Variants in MELK observed in about 807,000 individuals in gnomAD.
The protein encoded by MELK is maternal embryonic leucine zipper kinase.
MELK carries 81 observed loss-of-function variants against 85.0 expected under a neutral mutation model. That is an observed-to-expected ratio of 0.95 (90% CI 0.80 to 1.15). The LOEUF (loss-of-function observed/expected upper bound fraction) is 1.15. Ranked by LOEUF, MELK falls within the 50% of genes most tolerant of loss-of-function variation. The pLI, the probability that MELK is intolerant of heterozygous loss-of-function variation, is 0.00. For synonymous variants in MELK, 252 were observed against 265.0 expected (o/e 0.95, Z 0.48); for missense variants, 754 against 777.5 (o/e 0.97, Z 0.36).
chr9:36,635,297 A>G (rs1368661239), intron 10 of MELK, among the ~76,000 whole-genome samples: 2 of 150,880 alleles, frequency 1.3e-5, no homozygotes, highest in East Asian at 3.9e-4. Flanking sequence ...GAATCTCGCT[A>G]TTATCGCCCA....
At chr9:36,607,969 A>G (rs1424198964) in intron 8 of MELK, among the ~76,000 whole-genome samples, 1 of 152,154 alleles carries the variant, frequency 6.6e-6, no homozygotes, top group African/African-American at 2.4e-5. Context: ...GTAATACAGT[A>G]AGATATTTTG....
At chr9:36,636,829 T>TTTC (rs1296296702) in intron 10 of MELK, among the ~76,000 whole-genome samples, 40 of 139,522 alleles carry the variant, frequency 2.9e-4, no homozygotes, top group East Asian at 8.2e-4. Flanking sequence ...TCTGTCTTTC[T>TTTC]TGTCTTTCTT....
chr9:36,625,114 A>C (rs1251156429), intron 8 of MELK, among the ~76,000 whole-genome samples: 1 of 152,196 alleles, frequency 6.6e-6, no homozygotes, highest in Non-Finnish European at 1.5e-5. Context: ...AGTAAGCAGC[A>C]AACGGCTTTG....
At chr9:36,668,755 C>T (rs935918916) in intron 14 of MELK, among the ~76,000 whole-genome samples, 8 of 152,062 alleles carry the variant, frequency 5.3e-5, no homozygotes, top group African/African-American at 1.4e-4. Flanking sequence ...CCTCATGATC[C>T]GCCCTCCTCG....
intron 13 of MELK, among the ~76,000 whole-genome samples, chr9:36,664,731 C>T (rs553818052): frequency 4.1e-4 from 62 of 152,266 alleles, no homozygotes; most frequent in Non-Finnish European, 7.5e-4. Context: ...TTGGTTCTAA[C>T]TCACCACCTT....
intron 5 of MELK, among the ~76,000 whole-genome samples, chr9:36,596,400 C>T (rs898092196): frequency 4.6e-5 from 7 of 151,556 alleles, no homozygotes; most frequent in Admixed American, 4.0e-4. Context: ...GGACTACAGG[C>T]GCCTGCCACC....
At chr9:36,672,330 T>TA (rs1223545881) in intron 16 of MELK, among the ~76,000 whole-genome samples, 43 of 152,256 alleles carry the variant, frequency 2.8e-4, no homozygotes, top group Non-Finnish European at 2.9e-5. Flanking sequence ...CACTGAGATT[T>TA]AAAAAAACCA....
At chr9:36,636,122 GT>G (rs1308950338) in intron 10 of MELK, among the ~76,000 whole-genome samples, 3 of 152,012 alleles carry the variant, frequency 2.0e-5, no homozygotes, top group Non-Finnish European at 4.4e-5. Flanking sequence ...TGGCCACTTG[GT>G]AAAAATGTGG....
intron 12 of MELK, among the ~76,000 whole-genome samples, chr9:36,656,557 C>T (rs1157791295): frequency 2.6e-5 from 4 of 152,116 alleles, no homozygotes; most frequent in Admixed American, 2.0e-4. Flanking sequence ...ATAAAGACAA[C>T]GTTGGACTGC....
In MELK at chr9:36,674,906, C is replaced by A; in HGVS notation, c.1747C>A (p.Pro583Thr). 1 of 1,596,444 alleles carries A rather than the reference C, an allele frequency of 6.3e-7. No homozygotes were observed. Among genetic ancestry groups the A allele is most frequent in the Non-Finnish European group, 8.6e-7 (1 of 1,164,128 alleles). ...GTTGAATGAAATAATGTCTATTCTT[C>A]CAAAGAAGCATGTTGACTTTGTACA... ...QLLNEIMSIL[P>T]KKHVDFVQKG... The change falls in exon 17 of 18, where the codon CCA becomes ACA. Residue 583 changes from proline (P) to threonine (T), a missense_variant. Coordinates refer to ENST00000298048, the MANE Select transcript of MELK (RefSeq NM_014791.4).
chr9:36,616,594 T>C (rs1433881516), intron 8 of MELK, among the ~76,000 whole-genome samples: 4 of 151,980 alleles, frequency 2.6e-5, no homozygotes, highest in Admixed American at 2.6e-4. Flanking sequence ...TTCACCATGT[T>C]GGACAGGCTT....
chr9:36,655,712 G>A (rs146205502), intron 12 of MELK, among the ~76,000 whole-genome samples: 25 of 152,230 alleles, frequency 1.6e-4, no homozygotes, highest in Non-Finnish European at 3.1e-4. Context: ...GCCGTCATTC[G>A]TACAGCACTG....
intron 7 of MELK, among the ~76,000 whole-genome samples, chr9:36,607,105 A>G (rs964409045): frequency 2.6e-5 from 4 of 152,188 alleles, no homozygotes; most frequent in Admixed American, 2.0e-4. Context: ...TTGAAAAGTC[A>G]ATCATTGAAC....
intron 16 of MELK, 56 bp downstream of exon 16, chr9:36,671,222 C>CTT: frequency 3.7e-5 from 43 of 1,173,156 alleles, no homozygotes; most frequent in South Asian, 1.4e-4. Flanking sequence ...AATGGACTGC[C>CTT]TTTTTTTTTT....
At chr9:36,644,209 TTGTGTGTGTGTGTGTGTGTGTGTG>T (rs55796800) in intron 11 of MELK, among the ~76,000 whole-genome samples, 1 of 145,304 alleles carries the variant, frequency 6.9e-6, no homozygotes, top group Non-Finnish European at 1.5e-5. Flanking sequence ...TACCTGTGTT[TTGTGTGTGTGTGTGTGTGTGTGTG>T]TGTGTGTGTG....
intron 3 of MELK, among the ~76,000 whole-genome samples, chr9:36,583,986 C>A (rs1822550242): frequency 6.6e-6 from 1 of 152,068 alleles, no homozygotes; most frequent in African/African-American, 2.4e-5. Context: ...TGTGTCCCAT[C>A]TTTCTTTTCT....
intron 5 of MELK, among the ~76,000 whole-genome samples, chr9:36,596,496 A>T (rs1055552045): frequency 6.6e-6 from 1 of 150,714 alleles, no homozygotes; most frequent in Non-Finnish European, 1.5e-5. Context: ...TGACCTCGTG[A>T]TCCACCCGCC....
intron 3 of MELK, among the ~76,000 whole-genome samples, chr9:36,588,012 C>G (rs945428833): frequency 6.6e-6 from 1 of 151,416 alleles, no homozygotes; most frequent in South Asian, 2.1e-4. Context: ...GCGATCTGCC[C>G]GCCTCAGCCT....
chr9:36,653,668 G>A (rs564807635), intron 12 of MELK, among the ~76,000 whole-genome samples: 30 of 152,152 alleles, frequency 2.0e-4, no homozygotes, highest in Admixed American at 4.6e-4. Flanking sequence ...CTAGGAAATT[G>A]TACCTCATCC....
Sources: gnomAD v4.1 joint callset for allele counts (sites outside exome capture counted in the v4.1 genomes callset) on GRCh38, gnomAD v4.1.1 for gene constraint, MANE v1.5 for transcripts, NCBI Gene and HGNC (gene_info 2026-07-23, HGNC 2026-07-21) for gene names.